The following DPP6 variants were observed in gnomAD, a reference collection of about 807,000 sequenced individuals.
DPP6 encodes the protein A-type potassium channel modulatory protein DPP6.
A neutral mutation model predicts 122.6 loss-of-function variants in DPP6; 69 were observed. The ratio of observed to expected loss-of-function variants is 0.56; its 90% confidence interval spans 0.46 to 0.69. DPP6 has a LOEUF of 0.69. Ranked by LOEUF, DPP6 falls within the 30% of genes least tolerant of loss-of-function variation. The probability of loss-of-function intolerance (pLI) is 0.00; values close to 1 mark genes in which losing one functional copy is unlikely to be tolerated. For missense variants in DPP6, 928 were observed against 1,116.9 expected, an observed-to-expected ratio of 0.83 and a Z score of 2.41; for synonymous variants, 418 against 433.1, an observed-to-expected ratio of 0.97 and a Z score of 0.43.
At chr7:154,725,954 G>A (rs1011116434) in intron 7 of DPP6, among the ~76,000 whole-genome samples, 14 of 152,168 alleles carry the variant, frequency 9.2e-5, no homozygotes, top group Non-Finnish European at 1.0e-4. Flanking sequence ...CTGAAACCCA[G>A]CAGGGCAGTC....
At chr7:154,517,529 T>G (rs931128704) in intron 3 of DPP6, among the ~76,000 whole-genome samples, 1 of 152,156 alleles carries the variant, frequency 6.6e-6, no homozygotes, top group Non-Finnish European at 1.5e-5. Context: ...GAGGTAGGCC[T>G]GTGTATGTGA....
chr7:153,817,551 C>A, the DPP6 span, among the ~76,000 whole-genome samples: 2 of 151,826 alleles, frequency 1.3e-5, no homozygotes, highest in African/African-American at 2.4e-5. Flanking sequence ...TTTAAAAACG[C>A]TAGTTCATCC....
intron 1 of DPP6, among the ~76,000 whole-genome samples, chr7:154,272,361 G>C (rs1209128969): frequency 6.6e-6 from 1 of 152,354 alleles, no homozygotes; most frequent in South Asian, 2.1e-4. Flanking sequence ...TTTTGGGACA[G>C]CTGTGGATTT....
intron 1 of DPP6, among the ~76,000 whole-genome samples, chr7:154,325,401 T>C (rs1359442145): frequency 6.6e-6 from 1 of 152,240 alleles, no homozygotes; most frequent in Non-Finnish European, 1.5e-5. Context: ...AGAGTATTCA[T>C]GGCAGGCCTT....
intron 1 of DPP6, among the ~76,000 whole-genome samples, chr7:154,399,677 C>T (rs150402270): frequency 1.2e-4 from 18 of 151,966 alleles, no homozygotes; most frequent in South Asian, 6.2e-4. Flanking sequence ...TGTCTCTGCA[C>T]GTAAATTACC....
chr7:154,434,247 A>G (rs979227745), intron 1 of DPP6, among the ~76,000 whole-genome samples: 1 of 152,196 alleles, frequency 6.6e-6, no homozygotes, highest in Non-Finnish European at 1.5e-5. Context: ...CTATAGTTTC[A>G]GGTAGAAATT....
intron 5 of DPP6, among the ~76,000 whole-genome samples, chr7:154,622,213 C>A (rs766921112): frequency 7.2e-5 from 11 of 152,148 alleles, no homozygotes; most frequent in Non-Finnish European, 1.0e-4. Context: ...TTTCACTTTG[C>A]CACTTTGGAT....
the DPP6 span, among the ~76,000 whole-genome samples, chr7:153,849,457 A>C: frequency 6.6e-6 from 1 of 152,016 alleles, no homozygotes; most frequent in Non-Finnish European, 1.5e-5. Context: ...GATTTGTCTC[A>C]TTTCCTGATG....
chr7:153,818,011 C>A, the DPP6 span, among the ~76,000 whole-genome samples: 45 of 151,622 alleles, frequency 3.0e-4, no homozygotes, highest in Non-Finnish European at 7.4e-5. Context: ...ATTCTCAGCC[C>A]ATAGAACAAA....
chr7:154,362,872 A>C (rs1025981223), intron 1 of DPP6, among the ~76,000 whole-genome samples: 1 of 152,170 alleles, frequency 6.6e-6, no homozygotes, highest in Non-Finnish European at 1.5e-5. Flanking sequence ...GCTCCACTAC[A>C]TCAGCATCAA....
chr7:154,514,312 G>C (rs1193595980), intron 3 of DPP6, among the ~76,000 whole-genome samples: 1 of 152,048 alleles, frequency 6.6e-6, no homozygotes, highest in Non-Finnish European at 1.5e-5. Flanking sequence ...AATACAGCTA[G>C]ACGCTAATTC....
At chr7:154,654,385 G>A (rs4992373) in intron 6 of DPP6, among the ~76,000 whole-genome samples, 101,990 of 129,988 alleles carry the variant, frequency 0.78, 42,191 homozygotes, top group South Asian at 0.91. Flanking sequence ...ATCTCTGCCT[G>A]AAAACATCTA....
intron 1 of DPP6, among the ~76,000 whole-genome samples, chr7:153,899,823 C>T (rs905436427): frequency 6.6e-5 from 10 of 152,218 alleles, no homozygotes; most frequent in East Asian, 5.8e-4. Flanking sequence ...TACTCACATG[C>T]GTATTAACGC....
intron 4 of DPP6, among the ~76,000 whole-genome samples, chr7:154,548,171 T>A (rs1448617988): frequency 1.3e-5 from 2 of 152,250 alleles, no homozygotes; most frequent in Admixed American, 1.3e-4. Context: ...AACACGCCAC[T>A]GTACTCCAGC....
intron 1 of DPP6, among the ~76,000 whole-genome samples, chr7:154,413,475 C>T (rs769165435): frequency 3.3e-5 from 5 of 152,150 alleles, no homozygotes; most frequent in Non-Finnish European, 5.9e-5. Flanking sequence ...TTCCATTTCA[C>T]CATCTTTTAT....
intron 6 of DPP6, among the ~76,000 whole-genome samples, chr7:154,643,701 C>A (rs890012951): frequency 2.0e-5 from 3 of 152,054 alleles, no homozygotes; most frequent in Non-Finnish European, 2.9e-5. Context: ...ATCTCCTGAC[C>A]TCGTGATCTG....
At chr7:154,055,183 A>C (rs1378103817) in intron 1 of DPP6, among the ~76,000 whole-genome samples, 1 of 144,426 alleles carries the variant, frequency 6.9e-6, no homozygotes, top group Non-Finnish European at 1.5e-5. Flanking sequence ...ATATGCACAC[A>C]TATATACTTG....
At chr7:153,974,039 A>G (rs1157464393) in intron 1 of DPP6, among the ~76,000 whole-genome samples, 1 of 151,980 alleles carries the variant, frequency 6.6e-6, no homozygotes, top group Non-Finnish European at 1.5e-5. Context: ...AGGGGGACTT[A>G]CCTATGCAGG....
chr7:154,656,791 A>C (rs10249188), intron 6 of DPP6, among the ~76,000 whole-genome samples: 2 of 127,844 alleles, frequency 1.6e-5, no homozygotes, highest in Admixed American at 1.5e-4. Context: ...GGAGGTACTC[A>C]TGTGTGGGTG....
Sources: allele counts gnomAD v4.1 joint callset (sites outside exome capture counted in the v4.1 genomes callset), GRCh38; gene constraint gnomAD v4.1.1; transcripts MANE v1.5; gene names NCBI Gene and HGNC (gene_info 2026-07-23, HGNC 2026-07-21).